DISC1: variants seen among roughly 807,000 people sequenced by gnomAD.
DISC1 encodes disrupted in schizophrenia 1 protein.
Under a neutral mutation model 84.5 loss-of-function variants are expected in DISC1, and 57 were observed. That is an observed-to-expected ratio of 0.67 (90% confidence interval 0.55 to 0.84). The LOEUF (loss-of-function observed/expected upper bound fraction) is 0.84. Ranked by LOEUF, DISC1 falls within the 40% of genes least tolerant of loss-of-function variation. The pLI is 0.00. For missense variants in DISC1, 1,000 were observed against 1,057.8 expected (o/e 0.95, Z 0.76); for synonymous variants, 411 against 415.2 (o/e 0.99, Z 0.12).
At chr1:231,903,591 A>G (rs1030291818) in intron 9 of DISC1, among the ~76,000 whole-genome samples, 1 of 152,190 alleles carries the variant, frequency 6.6e-6, no homozygotes, top group African/African-American at 2.4e-5. Context: ...CTTTCTGAGA[A>G]GGTGCCATTG....
chr1:232,002,171 T>C (rs1173562571), intron 10 of DISC1, among the ~76,000 whole-genome samples: 1 of 151,960 alleles, frequency 6.6e-6, no homozygotes, highest in Non-Finnish European at 1.5e-5. Flanking sequence ...GAAGCTGCAA[T>C]GAGATAACAT....
chr1:231,912,380 T>A (rs907116424), intron 9 of DISC1, among the ~76,000 whole-genome samples: 1 of 152,218 alleles, frequency 6.6e-6, no homozygotes, highest in Non-Finnish European at 1.5e-5. Context: ...CCTTTCTGTT[T>A]GTTTGTTTTC....
chr1:231,843,944 C>A (rs1013908661), intron 9 of DISC1, among the ~76,000 whole-genome samples: 17 of 151,972 alleles, frequency 1.1e-4, no homozygotes, highest in Non-Finnish European at 2.4e-4. Context: ...TAGAGCCGTG[C>A]AGATAGATGA....
chr1:231,894,394 A>G (rs781684855), intron 9 of DISC1, among the ~76,000 whole-genome samples: 8 of 152,228 alleles, frequency 5.3e-5, no homozygotes, highest in Non-Finnish European at 1.2e-4. Flanking sequence ...TTACAGATAC[A>G]CAAATGTTGT....
intron 1 of DISC1, among the ~76,000 whole-genome samples, chr1:231,642,305 A>T (rs1164657312): frequency 6.6e-6 from 1 of 152,180 alleles, no homozygotes. Context: ...ACCTGCCTGC[A>T]AGCTGAGGGA....
chr1:231,933,477 G>A (rs562239389), intron 9 of DISC1, among the ~76,000 whole-genome samples: 1 of 152,076 alleles, frequency 6.6e-6, no homozygotes, highest in Non-Finnish European at 1.5e-5. Flanking sequence ...TCGTTTTAAG[G>A]TTTTGTTCTT....
chr1:231,996,624 ATGGATAGAAACCTACAAACTCAC>A (rs1665998349), intron 10 of DISC1, among the ~76,000 whole-genome samples: 2 of 152,124 alleles, frequency 1.3e-5, no homozygotes, highest in African/African-American at 4.8e-5. Context: ...CTCTCCTAAA[ATGGATAGAAACCTACAAACTCAC>A]TGCCTACCCT....
chr1:231,994,313 A>G (rs1476437312), intron 10 of DISC1, among the ~76,000 whole-genome samples: 2 of 152,212 alleles, frequency 1.3e-5, no homozygotes, highest in African/African-American at 2.4e-5. Context: ...TGGGCTAGAT[A>G]GACTCCTTGC....
At chr1:231,790,543 C>T (rs1005160815) in intron 6 of DISC1, among the ~76,000 whole-genome samples, 38 of 151,302 alleles carry the variant, frequency 2.5e-4, no homozygotes, top group Admixed American at 7.3e-4. Context: ...TTTCAAGATA[C>T]AGTCTCCCTC....
chr1:231,810,921 G>A (rs991548250), intron 8 of DISC1, among the ~76,000 whole-genome samples: 4 of 152,156 alleles, frequency 2.6e-5, no homozygotes, highest in Admixed American at 6.5e-5. Context: ...GCCAGCTTCC[G>A]GGGTTGCTTT....
At chr1:232,020,110 G>A (rs1307676216) in intron 11 of DISC1, among the ~76,000 whole-genome samples, 1 of 152,158 alleles carries the variant, frequency 6.6e-6, no homozygotes, top group Non-Finnish European at 1.5e-5. Flanking sequence ...GGGGGGCCAA[G>A]GCAGGCAGAT....
At chr1:232,007,187 C>T (rs1667570439) in intron 10 of DISC1, among the ~76,000 whole-genome samples, 1 of 152,172 alleles carries the variant, frequency 6.6e-6, no homozygotes, top group African/African-American at 2.4e-5. Context: ...AATGTGGGGT[C>T]AGAGCCCCCA....
In DISC1 at chr1:231,826,653, A is replaced by T. The variant is rs2081882210; in HGVS notation, c.1981+8136A>T. 6.6e-6 allele frequency among the ~76,000 whole-genome samples: 1 copy of T among 152,184 alleles called. No individual in the cohort carries two copies. The highest frequency in any genetic ancestry group is 2.1e-4 in the South Asian group (1 of 4,826). Reference sequence around the variant, plus strand: ...AGGAGAAACTTGGCATACTACCATAAATCAGAGAGAAGTTGAACTATAGCA... The same window carrying T: ...AGGAGAAACTTGGCATACTACCATATATCAGAGAGAAGTTGAACTATAGCA... On this transcript the variant is annotated intron_variant, in intron 9 of 12. Transcript: ENST00000439617. This position sits in a 1 kb window ranked among gnomAD's most constrained non-coding sequence, Gnocchi z 4.2.
At chr1:231,846,397 G>T (rs1264472521) in intron 9 of DISC1, among the ~76,000 whole-genome samples, 1 of 152,208 alleles carries the variant, frequency 6.6e-6, no homozygotes, top group Non-Finnish European at 1.5e-5. Flanking sequence ...TTGGACCCTG[G>T]CCTTCCTAAG....
chr1:231,839,293 T>A (rs575365487), intron 9 of DISC1, among the ~76,000 whole-genome samples: 1 of 152,302 alleles, frequency 6.6e-6, no homozygotes, highest in East Asian at 1.9e-4. Context: ...TGAGTATGTT[T>A]CCTCCCACGT....
At chr1:231,798,113 C>CACCACACACACACACA (rs1553353422) in intron 7 of DISC1, among the ~76,000 whole-genome samples, 2 of 147,074 alleles carry the variant, frequency 1.4e-5, no homozygotes, top group Non-Finnish European at 3.0e-5. Flanking sequence ...GTTAGACACA[C>CACCACACACACACACA]CACACACACA....
chr1:231,693,598 C>T (rs2125654114), intron 1 of DISC1, among the ~76,000 whole-genome samples: 1 of 152,282 alleles, frequency 6.6e-6, no homozygotes, highest in Non-Finnish European at 1.5e-5. Context: ...CTCTGCTAAA[C>T]CGAGGAGCTG....
chr1:231,631,412 C>T (rs980805598), intron 1 of DISC1, among the ~76,000 whole-genome samples: 5 of 152,036 alleles, frequency 3.3e-5, no homozygotes, highest in Admixed American at 2.0e-4. Flanking sequence ...ACTGTAAACC[C>T]GCCTCAGGCA....
intron 12 of DISC1, among the ~76,000 whole-genome samples, chr1:232,032,235 C>T (rs959367397): frequency 1.3e-5 from 2 of 152,122 alleles, no homozygotes; most frequent in African/African-American, 4.8e-5. Context: ...CAAACTAGGT[C>T]AGATGAACCG....
Sources: allele counts gnomAD v4.1 joint callset (sites outside exome capture counted in the v4.1 genomes callset), GRCh38; gene constraint gnomAD v4.1.1; non-coding constraint Gnocchi (gnomAD v3.1); transcripts MANE v1.5; gene names NCBI Gene and HGNC (gene_info 2026-07-23, HGNC 2026-07-21).